PTPRD: variants seen among roughly 807,000 people sequenced by gnomAD.
PTPRD encodes receptor-type tyrosine-protein phosphatase delta.
PTPRD carries 34 observed loss-of-function variants against 214.5 expected under a neutral mutation model. The observed-to-expected ratio is 0.16, with a 90% CI of 0.12 to 0.21. PTPRD has a LOEUF of 0.21. Among genes scored for constraint, PTPRD ranks in the 10% least tolerant of loss-of-function variants. The pLI is 1.00. For synonymous variants in PTPRD, 1,128 were observed against 845.7 expected, an observed-to-expected ratio of 1.33 and a Z score of -5.79; for missense variants, 2,545 against 2,398.7, an observed-to-expected ratio of 1.06 and a Z score of -1.27.
intron 9 of PTPRD, among the ~76,000 whole-genome samples, chr9:9,220,822 T>C (rs1423214895): frequency 1.3e-5 from 2 of 152,132 alleles, no homozygotes; most frequent in African/African-American, 4.8e-5. Flanking sequence ...ATTCAAAAGA[T>C]AATCCTTATA....
intron 12 of PTPRD, among the ~76,000 whole-genome samples, chr9:8,727,255 T>C (rs1246151471): frequency 2.6e-5 from 4 of 152,350 alleles, no homozygotes; most frequent in African/African-American, 9.6e-5. Flanking sequence ...CAATAAAAAA[T>C]GCTTTGAAAT....
chr9:10,013,791 C>A (rs571062396), intron 4 of PTPRD, among the ~76,000 whole-genome samples: 34 of 151,940 alleles, frequency 2.2e-4, no homozygotes, highest in Non-Finnish European at 4.3e-4. Flanking sequence ...TAAATTTCTG[C>A]TAGCTATTTT....
intron 7 of PTPRD, among the ~76,000 whole-genome samples, chr9:9,640,958 G>A (rs1193376349): frequency 6.6e-6 from 1 of 152,162 alleles, no homozygotes; most frequent in Non-Finnish European, 1.5e-5. Context: ...AAATCCAACT[G>A]GCTTACTGCC....
chr9:8,890,473 T>C (rs1435288074), intron 11 of PTPRD, among the ~76,000 whole-genome samples: 1 of 152,220 alleles, frequency 6.6e-6, no homozygotes, highest in African/African-American at 2.4e-5. Context: ...GACTTGCAAG[T>C]GACACAGAAC....
intron 4 of PTPRD, among the ~76,000 whole-genome samples, chr9:9,957,667 A>G (rs558298134): frequency 6.6e-6 from 1 of 152,216 alleles, no homozygotes; most frequent in Admixed American, 6.5e-5. Flanking sequence ...CCTTAACACA[A>G]TATTAGTGAT....
chr9:10,472,126 T>G (rs2099034885), intron 2 of PTPRD, among the ~76,000 whole-genome samples: 1 of 152,072 alleles, frequency 6.6e-6, no homozygotes, highest in African/African-American at 2.4e-5. Flanking sequence ...ATATGAAAAT[T>G]TTAATTAGAA....
chr9:9,339,063 T>C (rs2045730279), intron 9 of PTPRD, among the ~76,000 whole-genome samples: 1 of 152,172 alleles, frequency 6.6e-6, no homozygotes, highest in South Asian at 2.1e-4. Flanking sequence ...AAATACACTT[T>C]AATCTTGTCA....
intron 4 of PTPRD, among the ~76,000 whole-genome samples, chr9:9,977,870 A>G (rs987971912): frequency 6.6e-6 from 1 of 152,122 alleles, no homozygotes; most frequent in Non-Finnish European, 1.5e-5. Context: ...TTTGAAATGA[A>G]TTAATATTTC....
At chr9:9,934,060 C>G (rs1224162160) in intron 5 of PTPRD, among the ~76,000 whole-genome samples, 1 of 149,646 alleles carries the variant, frequency 6.7e-6, no homozygotes, top group Non-Finnish European at 1.5e-5. Flanking sequence ...ACCAGAATCT[C>G]TGGGACACAT....
intron 4 of PTPRD, among the ~76,000 whole-genome samples, chr9:9,947,365 A>ATATATATAATATATATTATATATAT (rs1566616673): frequency 2.2e-4 from 9 of 40,734 alleles, no homozygotes; most frequent in East Asian, 4.9e-3. Flanking sequence ...TATATATATT[A>ATATATATAATATATATTATATATAT]TATATATATT....
intron 9 of PTPRD, among the ~76,000 whole-genome samples, chr9:9,278,228 G>T (rs535845908): frequency 6.0e-5 from 9 of 151,202 alleles, no homozygotes; most frequent in Non-Finnish European, 1.3e-4. Context: ...TATCTCTCAT[G>T]CCAGAAATCT....
chr9:10,405,368 C>T (rs527380250), intron 2 of PTPRD, among the ~76,000 whole-genome samples: 3 of 151,632 alleles, frequency 2.0e-5, no homozygotes, highest in East Asian at 3.9e-4. Flanking sequence ...CTTATATTTT[C>T]TACAAATCTG....
chr9:10,117,707 G>C (rs1439811960), intron 3 of PTPRD, among the ~76,000 whole-genome samples: 1 of 150,188 alleles, frequency 6.7e-6, no homozygotes, highest in African/African-American at 2.5e-5. Flanking sequence ...CCTATTTTCA[G>C]TTAAGGGCAT....
chr9:9,377,422 G>T (rs962704317), intron 9 of PTPRD, among the ~76,000 whole-genome samples: 1 of 151,796 alleles, frequency 6.6e-6, no homozygotes, highest in Admixed American at 6.6e-5. Context: ...AGCAAGTGAG[G>T]ATCATAGAAA....
rs529433466 is a variant in PTPRD at position 10,494,129 on chromosome 9, A to G, written c.-600+118269T>C. ...GATTTATACCTCCAACTCCTTTTCAATATATTTACATAATCAGTTCAATTT... is the reference window on the plus strand; with the variant it reads ...GATTTATACCTCCAACTCCTTTTCAGTATATTTACATAATCAGTTCAATTT... On this transcript the variant is annotated intron_variant, in intron 2 of 45. Transcript: ENST00000381196. Among the ~76,000 whole-genome samples, 23 of 152,014 alleles carry G rather than the reference A, an allele frequency of 1.5e-4. No homozygotes were observed. In the South Asian group the frequency reaches 4.8e-3, roughly 32 times the overall value.
intron 9 of PTPRD, among the ~76,000 whole-genome samples, chr9:9,227,181 A>G (rs1345864320): frequency 1.3e-5 from 2 of 152,146 alleles, no homozygotes; most frequent in African/African-American, 4.8e-5. Flanking sequence ...AAGTACAATC[A>G]CGGTCATATG....
At chr9:8,857,470 A>G (rs983174577) in intron 11 of PTPRD, among the ~76,000 whole-genome samples, 22 of 152,290 alleles carry the variant, frequency 1.4e-4, no homozygotes, top group Admixed American at 3.3e-4. Flanking sequence ...GAGGAGGTCC[A>G]GAGGAGCAAA....
chr9:9,782,975 A>T (rs1295930004), intron 5 of PTPRD, among the ~76,000 whole-genome samples: 1 of 152,196 alleles, frequency 6.6e-6, no homozygotes, highest in South Asian at 2.1e-4. Flanking sequence ...CAAATTATGA[A>T]GTCATATAAT....
intron 35 of PTPRD, among the ~76,000 whole-genome samples, chr9:8,422,336 C>G (rs2094425398): frequency 6.6e-6 from 1 of 151,938 alleles, no homozygotes; most frequent in African/African-American, 2.4e-5. Flanking sequence ...AATTTGGGTT[C>G]TCACATAGAA....
Sources: gnomAD v4.1 joint callset for allele counts (sites outside exome capture counted in the v4.1 genomes callset) on GRCh38, gnomAD v4.1.1 for gene constraint, MANE v1.5 for transcripts, NCBI Gene and HGNC (gene_info 2026-07-23, HGNC 2026-07-21) for gene names.